The following EMID1 variants were observed in gnomAD, a reference collection of about 807,000 sequenced individuals.
EMID1 encodes the protein EMI domain-containing protein 1.
A neutral mutation model predicts 60.6 loss-of-function variants in EMID1; 40 were observed. That is an observed-to-expected ratio of 0.66 (90% confidence interval 0.51 to 0.86). EMID1 has a LOEUF of 0.86. EMID1 is among the 40% of genes least tolerant of loss of function. The pLI is 0.00. For synonymous variants in EMID1, 242 were observed against 231.0 expected (o/e 1.05, Z -0.43); for missense variants, 585 against 597.1 (o/e 0.98, Z 0.21).
chr22:29,229,736 G>A (rs143092507), intron 5 of EMID1, among the ~76,000 whole-genome samples: 1 of 151,946 alleles, frequency 6.6e-6, no homozygotes, highest in African/African-American at 2.4e-5. Context: ...TACAAGGCAC[G>A]GGGTTCCAGG....
In EMID1 at chr22:29,258,875, G is replaced by T. The variant is rs2041806837; in HGVS notation, c.1263G>T (p.Arg421=). ...PAGTGTPSLL[R]GKRGGHATNY... ...GCACAGGCACCCCCAGCCTCCTTCG[G>T]GGCAAGAGGGGCGGACATGCAACCA... Residue 421 remains arginine, a synonymous_variant, in exon 15 of 15, where the codon CGG becomes CGT. Transcript: ENST00000334018. 6.2e-7 allele frequency: 1 copy of T among 1,613,300 alleles called. No individual in the cohort carries two copies. The highest frequency in any genetic ancestry group is 8.5e-7 in the Non-Finnish European group (1 of 1,179,790).
intron 14 of EMID1, among the ~76,000 whole-genome samples, chr22:29,256,630 G>A (rs966270343): frequency 6.6e-6 from 1 of 152,250 alleles, no homozygotes; most frequent in Non-Finnish European, 1.5e-5. Context: ...CTGGCCTTGG[G>A]GAGCTGGCCA....
In EMID1 at chr22:29,230,880, C is replaced by CG. The variant is rs536815316; in HGVS notation, c.466-137dup. ...CTGAGGCAGAAGGATCGCTTAAGCC[C>CG]GGGTGGTTGAGGCTGCATGAGCCGT... On this transcript the variant is annotated intron_variant, in intron 5 of 14. Coordinates refer to ENST00000334018, the MANE Select transcript of EMID1 (RefSeq NM_133455.4). 6.1e-4 allele frequency: 658 copies of CG among 1,078,494 alleles called. 1 individual carries two copies. The highest frequency in any genetic ancestry group is 1.4e-3 in the Admixed American group (44 of 31,414). The allele number at this position is 1,078,494 out of a possible 1,614,324, so 66.8% of individuals were successfully genotyped here. A position where few individuals can be genotyped will look rare whatever the true frequency, so the allele number is the denominator to read the frequency against.
At position 29,259,278 on chromosome 22, in the gene EMID1, G is replaced by T; in HGVS notation, c.*334G>T. The T allele has an allele frequency of 3.1e-6, 1 of 326,076 alleles. No homozygotes were observed. The highest frequency in any genetic ancestry group is 3.4e-5 in the South Asian group (1 of 29,790). 20.2% of individuals were successfully genotyped at this position (326,076 alleles called of 1,614,324 possible). ...TGAGGGAGTCAGGAGCTGGGGCTCG[G>T]CACATGCAGAGATGACAGGGCAGGG... On this transcript the variant is annotated 3_prime_UTR_variant, in exon 15 of 15. Coordinates refer to ENST00000334018, the MANE Select transcript of EMID1 (RefSeq NM_133455.4).
intron 3 of EMID1, among the ~76,000 whole-genome samples, chr22:29,222,822 T>C (rs2040349257): frequency 1.3e-5 from 2 of 152,206 alleles, no homozygotes; most frequent in Admixed American, 1.3e-4. Context: ...CCGGGCGCGA[T>C]GGCTTATGCC....
chr22:29,230,976 T>C, intron 5 of EMID1, 44 bp from the exon 6 acceptor site: 1 of 1,592,418 alleles, frequency 6.3e-7, no homozygotes, highest in Non-Finnish European at 8.6e-7. Context: ...GGAGGGGTCC[T>C]AGTGAGACCC....
chr22:29,237,542 T>C (rs2040999159), intron 12 of EMID1, among the ~76,000 whole-genome samples: 2 of 143,674 alleles, frequency 1.4e-5, no homozygotes, highest in Admixed American at 1.4e-4. Flanking sequence ...CTCACGCCTA[T>C]AATCCCAGCA....
At chr22:29,241,882 A>G (rs1283885062) in intron 12 of EMID1, among the ~76,000 whole-genome samples, 2 of 151,956 alleles carry the variant, frequency 1.3e-5, no homozygotes, top group African/African-American at 2.4e-5. Flanking sequence ...AGTTTTTTAA[A>G]CAATCTTTGT....
intron 14 of EMID1, among the ~76,000 whole-genome samples, chr22:29,257,470 G>C (rs1308940412): frequency 6.6e-6 from 1 of 152,152 alleles, no homozygotes; most frequent in East Asian, 1.9e-4. Context: ...TCCTGTGACT[G>C]CTTCAGAGTC....
chr22:29,219,338 C>T (rs1475936951), intron 3 of EMID1, among the ~76,000 whole-genome samples: 1 of 152,176 alleles, frequency 6.6e-6, no homozygotes, highest in African/African-American at 2.4e-5. Flanking sequence ...CCATGGGCCC[C>T]CTGGAGCTGG....
chr22:29,242,194 C>A (rs1175873913), intron 12 of EMID1, among the ~76,000 whole-genome samples: 3 of 152,202 alleles, frequency 2.0e-5, no homozygotes, highest in Non-Finnish European at 4.4e-5. Flanking sequence ...ATCCTCCCAC[C>A]TTGGCCTCCC....
chr22:29,206,174 C>T, intron 1 of EMID1, 35 bp downstream of exon 1: 1 of 1,218,460 alleles, frequency 8.2e-7, no homozygotes, highest in Non-Finnish European at 1.0e-6. Context: ...CCCCGCTGGC[C>T]GAGGGTCCCG....
intron 1 of EMID1, among the ~76,000 whole-genome samples, chr22:29,208,572 G>A (rs132372): frequency 0.73 from 110,974 of 152,146 alleles, 43,119 homozygotes; most frequent in Non-Finnish European, 0.87. Flanking sequence ...TAGGATCAGG[G>A]AGAATGGAGG....
chr22:29,259,017 G>A lies in EMID1; in HGVS notation c.*73G>A. 1 of 1,546,004 alleles carries A rather than the reference G, an allele frequency of 6.5e-7. No individual in the cohort carries two copies. The highest frequency in any genetic ancestry group is 8.7e-7 in the Non-Finnish European group (1 of 1,148,890). The stretch of plus-strand genomic sequence containing the variant: ...CCTGGACTCGGCCAGCTGCCTCCAG[G>A]GACCGCCCGTCCATATTTATTAATG... On this transcript the variant is annotated 3_prime_UTR_variant, in exon 15 of 15. Transcript: ENST00000334018.
intron 3 of EMID1, among the ~76,000 whole-genome samples, chr22:29,219,522 G>A (rs1293563925): frequency 6.6e-6 from 1 of 152,156 alleles, no homozygotes; most frequent in Non-Finnish European, 1.5e-5. Flanking sequence ...GCTCACACCT[G>A]TAATCCAAGC....
chr22:29,254,463 C>A, intron 14 of EMID1, 176 bp downstream of exon 14: 1 of 643,324 alleles, frequency 1.6e-6, no homozygotes, highest in Non-Finnish European at 2.7e-6. Context: ...CTGGTTCCCT[C>A]CTCCACGGGT....
chr22:29,235,431 T>G (rs1568992397), intron 12 of EMID1, among the ~76,000 whole-genome samples: 1 of 152,176 alleles, frequency 6.6e-6, no homozygotes, highest in Non-Finnish European at 1.5e-5. Flanking sequence ...TAATTTATAT[T>G]TAATGATATG....
At chr22:29,207,656 C>T (rs1342282572) in intron 1 of EMID1, among the ~76,000 whole-genome samples, 1 of 152,200 alleles carries the variant, frequency 6.6e-6, no homozygotes, top group Non-Finnish European at 1.5e-5. Flanking sequence ...ATCTGGTGGT[C>T]ACTGGGGACT....
chr22:29,244,638 C>CAA (rs772867248), intron 13 of EMID1, among the ~76,000 whole-genome samples: 1 of 105,280 alleles, frequency 9.5e-6, no homozygotes, highest in Non-Finnish European at 1.9e-5. Context: ...GACTCTGTCT[C>CAA]AAAAAAAAAA....
Sources: allele counts gnomAD v4.1 joint callset (sites outside exome capture counted in the v4.1 genomes callset), GRCh38; gene constraint gnomAD v4.1.1; transcripts MANE v1.5; gene names NCBI Gene and HGNC (gene_info 2026-07-23, HGNC 2026-07-21).